The following PHF21B variants were observed in gnomAD, a reference collection of about 807,000 sequenced individuals.
PHF21B encodes PHD finger protein 4.
A neutral mutation model predicts 62.2 loss-of-function variants in PHF21B; 22 were observed. The observed-to-expected ratio is 0.35, with a 90% CI of 0.25 to 0.51. The LOEUF is 0.51. Ranked by LOEUF, PHF21B falls within the 20% of genes least tolerant of loss-of-function variation. PHF21B has a pLI of 0.97. For missense variants in PHF21B, 701 were observed against 707.9 expected, an observed-to-expected ratio of 0.99 and a Z score of 0.11; for synonymous variants, 341 against 314.7, an observed-to-expected ratio of 1.08 and a Z score of -0.88.
At chr22:44,931,574 T>C (rs1210074821) in intron 2 of PHF21B, among the ~76,000 whole-genome samples, 2 of 144,126 alleles carry the variant, frequency 1.4e-5, no homozygotes, top group Non-Finnish European at 1.5e-5. Context: ...TGTAATTTTA[T>C]GCTATTTAGC....
intron 5 of PHF21B, among the ~76,000 whole-genome samples, chr22:44,902,722 GT>G (rs980658662): frequency 4.0e-5 from 6 of 151,700 alleles, no homozygotes; most frequent in African/African-American, 1.2e-4. Flanking sequence ...GTTTCATTAA[GT>G]TTTTTTTAAA....
At chr22:44,984,443 GT>G (rs2072912084) in intron 2 of PHF21B, among the ~76,000 whole-genome samples, 1 of 152,188 alleles carries the variant, frequency 6.6e-6, no homozygotes, top group Non-Finnish European at 1.5e-5. Context: ...TGGGAAGCAT[GT>G]TACACACAGA....
chr22:44,898,898 C>T (rs1430215363), intron 5 of PHF21B, among the ~76,000 whole-genome samples: 3 of 152,164 alleles, frequency 2.0e-5, no homozygotes, highest in Non-Finnish European at 1.5e-5. Flanking sequence ...TCCATCTTCC[C>T]GTGTTTCACT....
At chr22:44,906,800 G>T (rs1057080681) in intron 5 of PHF21B, among the ~76,000 whole-genome samples, 4 of 152,212 alleles carry the variant, frequency 2.6e-5, no homozygotes, top group African/African-American at 9.6e-5. Flanking sequence ...GACGACAGGG[G>T]GAGAAGGAAG....
intron 6 of PHF21B, among the ~76,000 whole-genome samples, chr22:44,894,973 C>CT (rs1247491957): frequency 2.0e-5 from 3 of 152,244 alleles, no homozygotes; most frequent in Non-Finnish European, 4.4e-5. Context: ...GATAGAAACT[C>CT]TTAACTTCAA....
At chr22:44,980,011 G>T (rs34062988) in intron 2 of PHF21B, among the ~76,000 whole-genome samples, 10,087 of 123,532 alleles carry the variant, frequency 0.082, 403 homozygotes, top group Middle Eastern at 0.27. Flanking sequence ...AGAGGCTACA[G>T]TGAGCTAAGA....
rs34434030 is a variant in PHF21B at position 44,967,217 on chromosome 22, C to CT, written c.120+41327dup. 2.0e-3 allele frequency: 167 copies of CT among 84,700 alleles called. 2 individuals are homozygous for CT. Among genetic ancestry groups the CT allele is most frequent in the Admixed American group, 6.6e-3 (49 of 7,400 alleles). 5.2% of individuals were successfully genotyped at this position (84,700 alleles called of 1,614,324 possible). On this transcript the variant is annotated intron_variant, in intron 2 of 12. Transcript: ENST00000313237. ...GGGCCACGACAGAAGAGGCCTTTTA[C>CT]TTTTTTTTTTTTTTTTTTTTTGAGA... is the stretch of plus-strand genomic sequence containing the variant.
chr22:44,912,505 A>T (rs968029461), intron 5 of PHF21B, among the ~76,000 whole-genome samples: 33 of 151,962 alleles, frequency 2.2e-4, no homozygotes, highest in Middle Eastern at 6.8e-3. Flanking sequence ...TGATGTGTTT[A>T]AAAAACGGGA....
chr22:44,881,778 C>T lies in PHF21B; in HGVS notation c.*1308G>A, dbSNP rs1252465298. 1.3e-5 allele frequency: 2 copies of T among 152,690 alleles called. No individual in the cohort carries two copies. The highest frequency in any genetic ancestry group is 2.9e-5 in the Non-Finnish European group (2 of 68,074). The allele number at this position is 152,690 out of a possible 1,614,324, so 9.5% of individuals were successfully genotyped here. The stretch of plus-strand genomic sequence containing the variant: ...GAGCCCGTGGCTCCTGGACGCTTAT[C>T]CTGTTGTGCTGAGTCCCTCAGGACT... On this transcript the variant is annotated 3_prime_UTR_variant, in exon 13 of 13. Transcript: ENST00000313237.
chr22:44,902,054 A>C (rs2071169079), intron 5 of PHF21B: 1 of 232,956 alleles, frequency 4.3e-6, no homozygotes, highest in South Asian at 7.9e-5. Context: ...CAGAGGCAAG[A>C]GGGCGGTTCT....
At chr22:44,897,415 C>T (rs1008431163) in intron 5 of PHF21B, among the ~76,000 whole-genome samples, 10 of 152,004 alleles carry the variant, frequency 6.6e-5, no homozygotes, top group Admixed American at 5.2e-4. Context: ...ACTCCTATGG[C>T]GTATGATGTT....
chr22:44,978,630 A>T (rs2072782148), intron 2 of PHF21B, among the ~76,000 whole-genome samples: 1 of 152,214 alleles, frequency 6.6e-6, no homozygotes, highest in Non-Finnish European at 1.5e-5. Context: ...AAGTGCTGGG[A>T]TTACAGGCGT....
chr22:44,959,381 G>A (rs1374555375), intron 2 of PHF21B, among the ~76,000 whole-genome samples: 1 of 152,130 alleles, frequency 6.6e-6, no homozygotes, highest in East Asian at 1.9e-4. Context: ...CTCTTGTGTG[G>A]GCCTTTGCTC....
At chr22:44,970,444 A>G (rs2072615781) in intron 2 of PHF21B, among the ~76,000 whole-genome samples, 1 of 152,198 alleles carries the variant, frequency 6.6e-6, no homozygotes. Flanking sequence ...TGGGTGTGCC[A>G]GGCGGCAGCC....
intron 2 of PHF21B, among the ~76,000 whole-genome samples, chr22:44,985,927 C>CCACCATCACCATCAG (rs1569274456): frequency 1.4e-5 from 2 of 144,930 alleles, no homozygotes; most frequent in African/African-American, 5.6e-5. Context: ...ACCATCAGCA[C>CCACCATCACCATCAG]CACCACCACT....
At chr22:44,920,372 C>T (rs2071513012) in intron 3 of PHF21B, 26 bp downstream of exon 3, 1 of 1,575,278 alleles carries the variant, frequency 6.3e-7, no homozygotes, top group Non-Finnish European at 8.7e-7. Context: ...GACGGACACC[C>T]CAGGGCCCGC....
rs1157645672 is a variant in PHF21B, at chr22:45,008,585, T to A, written c.80A>T (p.His27Leu). 6.3e-7 allele frequency: 1 copy of A among 1,590,332 alleles called. No homozygotes were observed. The highest frequency in any genetic ancestry group is 8.6e-7 in the Non-Finnish European group (1 of 1,169,166). ...CGCGGCGATCCGCGGCTGCCTTTCG[T>A]GGAGCTGCTTCTTGAGGTCGCCGTT... ...HQNGDLKKQL[H>L]ERQPRIAALS... Residue 27 changes from histidine to leucine, a missense_variant, in exon 2 of 13, where the codon CAC becomes CTC. Transcript: ENST00000313237.
intron 2 of PHF21B, among the ~76,000 whole-genome samples, chr22:44,952,913 G>A (rs573908339): frequency 2.0e-5 from 3 of 152,104 alleles, no homozygotes; most frequent in Admixed American, 6.5e-5. Flanking sequence ...CCTAGCCCTC[G>A]GTTGCCCTCG....
chr22:44,984,179 CAACCACCAT>C (rs2072901231), intron 2 of PHF21B, among the ~76,000 whole-genome samples: 2 of 105,258 alleles, frequency 1.9e-5, no homozygotes, highest in Non-Finnish European at 4.1e-5. Flanking sequence ...ATCACCATCA[CAACCACCAT>C]CATCACCACC....
Sources: allele counts gnomAD v4.1 joint callset (sites outside exome capture counted in the v4.1 genomes callset), GRCh38; gene constraint gnomAD v4.1.1; transcripts MANE v1.5; gene names NCBI Gene and HGNC (gene_info 2026-07-23, HGNC 2026-07-21).